Variants in TENM4 observed in about 807,000 individuals in gnomAD.
TENM4 encodes the protein teneurin transmembrane protein 4, also known as teneurin-4.
Under a neutral mutation model 243.3 loss-of-function variants are expected in TENM4, and 82 were observed. The ratio of observed to expected loss-of-function variants is 0.34; its 90% CI spans 0.28 to 0.40. The LOEUF is 0.40. Among genes scored for constraint, TENM4 ranks in the 10% least tolerant of loss-of-function variants. The pLI is 1.00. For missense variants in TENM4, 3,138 were observed against 3,673.3 expected (o/e 0.85, Z 3.77); for synonymous variants, 1,412 against 1,456.3 (o/e 0.97, Z 0.69).
At chr11:78,816,315 G>C (rs1024384012) in intron 12 of TENM4, among the ~76,000 whole-genome samples, 4 of 152,226 alleles carry the variant, frequency 2.6e-5, no homozygotes, top group African/African-American at 9.6e-5. Context: ...CACTCTGTAA[G>C]TTCCCCTAAT....
At chr11:79,338,863 G>C (rs1173480329) in intron 1 of TENM4, among the ~76,000 whole-genome samples, 1 of 152,194 alleles carries the variant, frequency 6.6e-6, no homozygotes, top group Non-Finnish European at 1.5e-5. Context: ...CTGCCATCCA[G>C]CTGAGAGTAA....
At chr11:79,101,406 G>A (rs1021624708) in intron 4 of TENM4, among the ~76,000 whole-genome samples, 2 of 152,210 alleles carry the variant, frequency 1.3e-5, no homozygotes, top group African/African-American at 4.8e-5. Context: ...ATTTCTGATT[G>A]TTGGGCCATG....
chr11:79,180,825 A>T (rs138611998), intron 3 of TENM4, among the ~76,000 whole-genome samples: 28 of 151,566 alleles, frequency 1.8e-4, no homozygotes, highest in African/African-American at 6.0e-4. Flanking sequence ...AAATAAGTAA[A>T]GAAGACAAAT....
At chr11:78,713,930 GC>G (rs1859461600) in intron 25 of TENM4, among the ~76,000 whole-genome samples, 3 of 152,098 alleles carry the variant, frequency 2.0e-5, no homozygotes, top group South Asian at 4.2e-4. Flanking sequence ...CATTTGCCGG[GC>G]CCTAAAACTG....
chr11:79,277,038 G>GT lies in TENM4; in HGVS notation c.-265+20449dup, dbSNP rs1311571320. Among the ~76,000 whole-genome samples the GT allele has an allele frequency of 3.3e-5, 5 of 152,102 alleles. No homozygotes were observed. The South Asian group carries it at 8.3e-4, about 25-fold the overall frequency. On this transcript the variant is annotated intron_variant, in intron 2 of 33. Transcript: ENST00000278550. ...TAGAATCCACTGACAGCATTATTCTGTTTTTTTGGCTGTGCTGGTGGGAAT... is the reference window on the plus strand; with the variant it reads ...TAGAATCCACTGACAGCATTATTCTGTTTTTTTTGGCTGTGCTGGTGGGAAT...
chr11:79,192,059 T>C (rs1863517098), intron 3 of TENM4, among the ~76,000 whole-genome samples: 2 of 141,762 alleles, frequency 1.4e-5, no homozygotes, highest in South Asian at 5.2e-4. Context: ...GGAGCCCCTC[T>C]GCCCAGCCAG....
At chr11:79,299,874 A>T (rs1353491368) in intron 1 of TENM4, among the ~76,000 whole-genome samples, 1 of 152,214 alleles carries the variant, frequency 6.6e-6, no homozygotes, top group Non-Finnish European at 1.5e-5. Context: ...ATTTTTTATG[A>T]CCAGAGAGCA....
chr11:79,253,733 G>A (rs1482075808), intron 2 of TENM4, among the ~76,000 whole-genome samples: 1 of 152,162 alleles, frequency 6.6e-6, no homozygotes, highest in Admixed American at 6.5e-5. Context: ...AAGAGAGGAT[G>A]AAGACGTTTA....
At chr11:78,683,949 T>C (rs941026418) in intron 29 of TENM4, among the ~76,000 whole-genome samples, 1 of 152,214 alleles carries the variant, frequency 6.6e-6, no homozygotes, top group Non-Finnish European at 1.5e-5. Flanking sequence ...CTGTTTCCTC[T>C]GCACTGCCCC....
At chr11:79,420,232 G>C (rs1858902112) in intron 1 of TENM4, among the ~76,000 whole-genome samples, 1 of 152,022 alleles carries the variant, frequency 6.6e-6, no homozygotes, top group African/African-American at 2.4e-5. Context: ...TAAATACTTT[G>C]ATGTTTTCCA....
chr11:79,355,970 G>C (rs781333724), intron 1 of TENM4, among the ~76,000 whole-genome samples: 1 of 152,128 alleles, frequency 6.6e-6, no homozygotes, highest in African/African-American at 2.4e-5. Flanking sequence ...GGGGTTTGAG[G>C]GGCCCAAGGC....
At chr11:78,895,921 C>T (rs1422593767) in intron 7 of TENM4, among the ~76,000 whole-genome samples, 3 of 152,156 alleles carry the variant, frequency 2.0e-5, no homozygotes, top group African/African-American at 7.2e-5. Flanking sequence ...AAGTGGTGGG[C>T]TGTTCTTAAA....
At chr11:78,660,202 C>A (rs1219529404) in intron 33 of TENM4, among the ~76,000 whole-genome samples, 1 of 152,146 alleles carries the variant, frequency 6.6e-6, no homozygotes, top group Non-Finnish European at 1.5e-5. Context: ...AGAGGCTGGG[C>A]AGCAGAAAGA....
chr11:78,796,380 C>T (rs1230710874), intron 15 of TENM4, among the ~76,000 whole-genome samples: 1 of 152,154 alleles, frequency 6.6e-6, no homozygotes, highest in South Asian at 2.1e-4. Context: ...TCGGCCAGGA[C>T]TGGAACACAA....
intron 31 of TENM4, among the ~76,000 whole-genome samples, chr11:78,671,659 T>C (rs914360117): frequency 1.3e-5 from 2 of 152,344 alleles, no homozygotes; most frequent in Middle Eastern, 6.8e-3. Flanking sequence ...CTCCTGCCTA[T>C]GTACTGATGC....
chr11:79,314,611 G>A (rs1856775058), intron 1 of TENM4, among the ~76,000 whole-genome samples: 2 of 152,216 alleles, frequency 1.3e-5, no homozygotes, highest in African/African-American at 4.8e-5. Context: ...TACAATAGGT[G>A]CCAGAGAAAG....
In TENM4 at chr11:78,701,716, G is replaced by A. The variant is rs754190422; in HGVS notation, c.4897C>T (p.Arg1633Ter). 1.9e-6 allele frequency: 3 copies of A among 1,613,830 alleles called. No individual in the cohort carries two copies. Residue 1633 changes from arginine to a stop codon, truncating the protein, a stop_gained, in exon 28 of 34, where the codon CGA becomes TGA. Transcript: ENST00000278550. LOFTEE classifies it high-confidence loss of function. ...DNNGNMVNVR[R>*]DSTGMPLWLV... ...CAGAGGGGCATCCCAGTAGAGTCTC[G>A]GCGGACATTTACCATGTTGCCATTG...
At chr11:79,186,932 T>C (rs996002239) in intron 3 of TENM4, among the ~76,000 whole-genome samples, 1 of 152,210 alleles carries the variant, frequency 6.6e-6, no homozygotes, top group Non-Finnish European at 1.5e-5. Context: ...TGAAAGATTC[T>C]TCTCAGATCA....
rs112678077 is a variant in TENM4, at chr11:79,023,595, A to G, written c.493+41143T>C. ...AAAAAAAATCATGATGACTCTTTCT[A>G]CAACTAGTGTGAAAAGAGCTATCAA... On this transcript the variant is annotated intron_variant, in intron 6 of 33. Coordinates refer to ENST00000278550, the MANE Select transcript of TENM4 (RefSeq NM_001098816.3). Among the ~76,000 whole-genome samples, 10 of 151,576 alleles carry G rather than the reference A, an allele frequency of 6.6e-5. No individual in the cohort carries two copies. The East Asian group carries it at 1.5e-3, about 23-fold the overall frequency.
Sources: gnomAD v4.1 joint callset for allele counts (sites outside exome capture counted in the v4.1 genomes callset) on GRCh38, gnomAD v4.1.1 for gene constraint, MANE v1.5 for transcripts, NCBI Gene and HGNC (gene_info 2026-07-23, HGNC 2026-07-21) for gene names.